Variants in GRIP2 observed in about 807,000 individuals in gnomAD.
The protein encoded by GRIP2 is glutamate receptor-interacting protein 2.
GRIP2 carries 58 observed loss-of-function variants against 108.3 expected under a neutral mutation model. That is an observed-to-expected ratio of 0.54 (90% CI 0.43 to 0.67). The LOEUF is 0.67. Ranked by LOEUF, GRIP2 falls within the 30% of genes least tolerant of loss-of-function variation. GRIP2 has a pLI of 0.00. For synonymous variants in GRIP2, 586 were observed against 598.2 expected (o/e 0.98, Z 0.30); for missense variants, 1,278 against 1,430.6 (o/e 0.89, Z 1.72).
chr3:14,525,830 G>A, intron 2 of GRIP2, 21 bp downstream of exon 2: 5 of 1,550,436 alleles, frequency 3.2e-6, no homozygotes, highest in Non-Finnish European at 3.5e-6. Flanking sequence ...GAAAAAGAGG[G>A]AATGAGGGAA....
the GRIP2 span, among the ~76,000 whole-genome samples, chr3:14,572,141 T>C: frequency 2.5e-3 from 381 of 152,324 alleles, 1 homozygote; most frequent in Admixed American, 4.4e-3. Context: ...CGGAGGCATG[T>C]TTAGGCACCG....
In GRIP2 at chr3:14,517,221, G is replaced by A; in HGVS notation, c.1157-8C>T. On this transcript the variant is annotated splice_polypyrimidine_tract_variant and splice_region_variant and intron_variant, in intron 10 of 23. Transcript: ENST00000621039. ...AGGGAGTTGAAGACAAGGCTGGGGA[G>A]ATGAGAGCACAGCCCCGTGAACCCC... is the stretch of plus-strand genomic sequence containing the variant. 6.4e-7 allele frequency: 1 copy of A among 1,562,494 alleles called. No individual in the cohort carries two copies. The highest frequency in any genetic ancestry group is 1.2e-5 in the South Asian group (1 of 83,040).
At chr3:14,580,221 T>G in the GRIP2 span, among the ~76,000 whole-genome samples, 2 of 152,214 alleles carry the variant, frequency 1.3e-5, no homozygotes, top group African/African-American at 4.8e-5. Context: ...CCGTGCCAAG[T>G]CCTGGTGGCC....
At position 14,513,880 on chromosome 3, in the gene GRIP2, C is replaced by A. The variant is rs570404524; in HGVS notation, c.1494-70G>T. On this transcript the variant is annotated intron_variant, in intron 12 of 23. Coordinates refer to ENST00000621039, the MANE Select transcript of GRIP2 (RefSeq NM_001080423.4). ...TCCATTGGGAGACAAGAACGCCATG[C>A]AGGGCAGGACTGAACCTGGGTCACA... 43 of 1,550,938 alleles carry A rather than the reference C, an allele frequency of 2.8e-5. No individual in the cohort carries two copies. The East Asian group carries it at 9.4e-4, about 34-fold the overall frequency.
At position 14,523,712 on chromosome 3, in the gene GRIP2, G is replaced by C. The variant is rs751650735; in HGVS notation, c.404-14C>G. The C allele has an allele frequency of 6.3e-7, 1 of 1,589,096 alleles. No homozygotes were observed. The highest frequency in any genetic ancestry group is 8.6e-7 in the Non-Finnish European group (1 of 1,161,394). ...TATTCTCAGGAGCTGGGGAGAAATG[G>C]AGGACTCCTTTGAGTCCCTCAGTCG... On this transcript the variant is annotated splice_polypyrimidine_tract_variant and intron_variant, in intron 4 of 23. Coordinates refer to ENST00000621039, the MANE Select transcript of GRIP2 (RefSeq NM_001080423.4).
At chr3:14,555,527 A>G (rs889940924) in intron 1 of GRIP2, among the ~76,000 whole-genome samples, 4 of 152,150 alleles carry the variant, frequency 2.6e-5, no homozygotes, top group Non-Finnish European at 5.9e-5. Flanking sequence ...GCGGGGGCAG[A>G]GAACCGGGTG....
intron 17 of GRIP2, 122 bp downstream of exon 17, chr3:14,509,698 T>C (rs1368072644): frequency 9.7e-7 from 1 of 1,030,188 alleles, no homozygotes; most frequent in African/African-American, 1.7e-5. Context: ...ACTGGCCCAA[T>C]GTCACCCACA....
At chr3:14,509,594 C>G (rs1694026618) in intron 17 of GRIP2, among the ~76,000 whole-genome samples, 1 of 152,252 alleles carries the variant, frequency 6.6e-6, no homozygotes, top group South Asian at 2.1e-4. Flanking sequence ...TACCTGGAGC[C>G]AGGAGGTCTG....
chr3:14,540,599 G>C (rs1694948460), upstream of GRIP2, among the ~76,000 whole-genome samples: 2 of 152,176 alleles, frequency 1.3e-5, no homozygotes, highest in African/African-American at 4.8e-5. This position sits in a 1 kb window ranked among gnomAD's most constrained non-coding sequence, Gnocchi z 4.1. Context: ...CAGGCAGAGA[G>C]AGAGCCTGCT....
At chr3:14,592,132 GA>G in the GRIP2 span, among the ~76,000 whole-genome samples, 1 of 152,250 alleles carries the variant, frequency 6.6e-6, no homozygotes, top group Non-Finnish European at 1.5e-5. Context: ...GCTCCACATA[GA>G]GGGGCATCTC....
In GRIP2 at chr3:14,489,442, C is replaced by T. The variant is rs79453025; in HGVS notation, c.*4223G>A. On this transcript the variant is annotated 3_prime_UTR_variant, in exon 24 of 24. Coordinates refer to ENST00000621039, the MANE Select transcript of GRIP2 (RefSeq NM_001080423.4). The stretch of plus-strand genomic sequence containing the variant: ...AAGGGCTTCCCGTCCAATCCCAGGA[C>T]GCTCCTCAAAGGTAGGTATTTTCCC... 0.011 allele frequency: 1,663 copies of T among 152,708 alleles called. 92 individuals carry two copies. The East Asian group carries it at 0.18, about 16-fold the overall frequency. 9.5% of individuals were successfully genotyped at this position (152,708 alleles called of 1,614,324 possible). A position where few individuals can be genotyped will look rare whatever the true frequency, so the allele number is the denominator to read the frequency against.
At chr3:14,528,047 A>G (rs1370772133) in intron 1 of GRIP2, among the ~76,000 whole-genome samples, 1 of 152,194 alleles carries the variant, frequency 6.6e-6, no homozygotes, top group Admixed American at 6.5e-5. Context: ...TTCTCCCTTG[A>G]TGTTCTACTG....
chr3:14,572,340 G>A, the GRIP2 span, among the ~76,000 whole-genome samples: 1 of 151,930 alleles, frequency 6.6e-6, no homozygotes, highest in Non-Finnish European at 1.5e-5. Flanking sequence ...TAGGCCGGGC[G>A]TGGTGGCTCA....
chr3:14,546,091 A>AGG (rs1488287551), upstream of GRIP2, among the ~76,000 whole-genome samples: 1 of 152,186 alleles, frequency 6.6e-6, no homozygotes, highest in Non-Finnish European at 1.5e-5. Context: ...GCTGAGCCCC[A>AGG]GGTCTCCTTC....
upstream of GRIP2, among the ~76,000 whole-genome samples, chr3:14,558,361 C>G (rs560908802): frequency 1.3e-5 from 2 of 152,166 alleles, no homozygotes; most frequent in African/African-American, 4.8e-5. Flanking sequence ...CCAGGGAGGG[C>G]AGGCTGCGTT....
upstream of GRIP2, among the ~76,000 whole-genome samples, chr3:14,559,497 TAGCATCCC>T (rs567393775): frequency 4.0e-5 from 6 of 150,430 alleles, no homozygotes; most frequent in South Asian, 1.3e-3. Flanking sequence ...TTTCTAATGG[TAGCATCCC>T]AGCATTATGT....
chr3:14,528,875 G>C (rs1003512600), intron 1 of GRIP2, among the ~76,000 whole-genome samples: 2 of 152,094 alleles, frequency 1.3e-5, no homozygotes, highest in Admixed American at 6.5e-5. Context: ...TTGTTTCCTT[G>C]TTATTGAGTT....
intron 21 of GRIP2, among the ~76,000 whole-genome samples, chr3:14,501,394 T>C (rs1026566505): frequency 2.0e-5 from 3 of 152,210 alleles, no homozygotes; most frequent in African/African-American, 7.2e-5. Context: ...TTTACATTAG[T>C]ATCATGTAAA....
Position 14,528,324 on chromosome 3 carries a change from G to A in GRIP2, c.41-2393C>T, listed in dbSNP as rs191161820. Among the ~76,000 whole-genome samples, 4 of 152,258 alleles carry A rather than the reference G, an allele frequency of 2.6e-5. No individual in the cohort carries two copies. In the East Asian group the frequency reaches 5.8e-4, roughly 22 times the overall value. On this transcript the variant is annotated intron_variant, in intron 1 of 23. Coordinates refer to ENST00000621039, the MANE Select transcript of GRIP2 (RefSeq NM_001080423.4). ...TATTGACTTGTGTTTCCAGTTTTTG[G>A]TGATTTTGAATAAAGCCATAATAAA...
Sources: allele counts gnomAD v4.1 joint callset (sites outside exome capture counted in the v4.1 genomes callset), GRCh38; gene constraint gnomAD v4.1.1; non-coding constraint Gnocchi (gnomAD v3.1); transcripts MANE v1.5; gene names NCBI Gene and HGNC (gene_info 2026-07-23, HGNC 2026-07-21).